HDAC9: variants seen among roughly 807,000 people sequenced by gnomAD.
HDAC9 encodes the protein MEF-2 interacting transcription repressor (MITR) protein.
A neutral mutation model predicts 139.4 loss-of-function variants in HDAC9; 41 were observed. The observed-to-expected ratio is 0.29, with a 90% CI of 0.23 to 0.38. The LOEUF (loss-of-function observed/expected upper bound fraction) is 0.38, where lower values mean the gene tolerates loss of function less well. HDAC9 is among the 10% of genes least tolerant of loss of function. HDAC9 has a pLI of 1.00. For synonymous variants in HDAC9, 517 were observed against 476.2 expected, an observed-to-expected ratio of 1.09 and a Z score of -1.12; for missense variants, 1,147 against 1,297.0, an observed-to-expected ratio of 0.88 and a Z score of 1.78.
intron 1 of HDAC9, among the ~76,000 whole-genome samples, chr7:18,467,318 G>A (rs1052012591): frequency 6.6e-6 from 1 of 151,988 alleles, no homozygotes; most frequent in African/African-American, 2.4e-5. Context: ...ACCTATTAAT[G>A]CTTCCTATCA....
In HDAC9 at chr7:18,298,699, C is replaced by T. The variant is rs1447540451; in HGVS notation, c.-42+8184C>T. Among the ~76,000 whole-genome samples, 5 of 152,120 alleles carry T rather than the reference C, an allele frequency of 3.3e-5. No individual in the cohort carries two copies. The East Asian group carries it at 9.6e-4, about 29-fold the overall frequency. ...TTTGTTTAGCTTGTATTTGAATTGA[C>T]TGTTCTTAAGTCAATTTTTATGTGA... On this transcript the variant is annotated intron_variant, in intron 1 of 3. Coordinates refer to the HDAC9 transcript ENST00000413509.
At chr7:18,224,891 CA>C (rs1792951049) in intron 2 of HDAC9, among the ~76,000 whole-genome samples, 2 of 151,550 alleles carry the variant, frequency 1.3e-5, no homozygotes, top group Admixed American at 1.3e-4. Flanking sequence ...TTTGTCCCCC[CA>C]AAAAAAGCTG....
intron 1 of HDAC9, among the ~76,000 whole-genome samples, chr7:18,475,668 T>C (rs1313163773): frequency 2.0e-5 from 3 of 152,104 alleles, no homozygotes; most frequent in Non-Finnish European, 4.4e-5. Context: ...AATGAATTAG[T>C]TTATTTTTAA....
At chr7:18,830,841 G>A (rs1795811869) in intron 19 of HDAC9, among the ~76,000 whole-genome samples, 1 of 152,164 alleles carries the variant, frequency 6.6e-6, no homozygotes, top group Admixed American at 6.5e-5. Flanking sequence ...ATATACTACA[G>A]CAGCAAGATG....
chr7:18,741,032 G>A (rs984927030), intron 13 of HDAC9, among the ~76,000 whole-genome samples: 14 of 152,170 alleles, frequency 9.2e-5, no homozygotes, highest in African/African-American at 3.4e-4. Flanking sequence ...GCAGAGGTTG[G>A]CTCTTGAGGT....
At chr7:18,808,383 T>C (rs1328762250) in intron 17 of HDAC9, 1 of 152,106 alleles carries the variant, frequency 6.6e-6, no homozygotes, top group Non-Finnish European at 1.5e-5. Flanking sequence ...AGTAGTAAAA[T>C]TGTCTCTGTT....
intron 2 of HDAC9, among the ~76,000 whole-genome samples, chr7:18,515,477 C>G (rs553714674): frequency 4.6e-5 from 7 of 152,274 alleles, no homozygotes; most frequent in African/African-American, 1.4e-4. Flanking sequence ...CAGGGCTAAG[C>G]AGCAGCTCCC....
chr7:18,917,693 T>A (rs1803330830), intron 22 of HDAC9, among the ~76,000 whole-genome samples: 1 of 152,048 alleles, frequency 6.6e-6, no homozygotes, highest in Non-Finnish European at 1.5e-5. Context: ...TAAGTACATT[T>A]TTTTCATGTA....
In HDAC9 at chr7:18,959,166, G is replaced by T. The variant is rs530177795; in HGVS notation, c.3022+4936G>T. Among the ~76,000 whole-genome samples, 3 of 152,200 alleles carry T rather than the reference G, an allele frequency of 2.0e-5. No homozygotes were observed. In the South Asian group the frequency reaches 6.2e-4, roughly 32 times the overall value. ...AACACCACTCTTTATACCAGTGCTGGCCCATTATAACTTTTTCACAGATTT... is the reference window on the plus strand; with the variant it reads ...AACACCACTCTTTATACCAGTGCTGTCCCATTATAACTTTTTCACAGATTT... On this transcript the variant is annotated intron_variant, in intron 24 of 25. Transcript: ENST00000686413.
chr7:18,803,068 G>C (rs1189839852), intron 17 of HDAC9, among the ~76,000 whole-genome samples: 1 of 150,932 alleles, frequency 6.6e-6, no homozygotes, highest in Non-Finnish European at 1.5e-5. Context: ...ACTTTCACCC[G>C]CCCCTTGCTT....
intron 22 of HDAC9, among the ~76,000 whole-genome samples, chr7:18,882,643 G>C (rs1325975069): frequency 4.8e-5 from 7 of 146,024 alleles, no homozygotes; most frequent in Non-Finnish European, 1.0e-4. Context: ...TTCCTAATCA[G>C]CCAAAAAAAA....
At chr7:18,453,254 A>G (rs541488831) in intron 1 of HDAC9, among the ~76,000 whole-genome samples, 1 of 152,278 alleles carries the variant, frequency 6.6e-6, no homozygotes, top group African/African-American at 2.4e-5. Context: ...TACTGTATTA[A>G]TTCTAAAGTA....
chr7:18,622,302 C>A (rs935919339), intron 6 of HDAC9, among the ~76,000 whole-genome samples: 5 of 152,066 alleles, frequency 3.3e-5, no homozygotes, highest in Admixed American at 2.0e-4. Context: ...CCCAAATATT[C>A]ATTATTTTAA....
intron 1 of HDAC9, among the ~76,000 whole-genome samples, chr7:18,461,613 G>T (rs1014319107): frequency 6.6e-6 from 1 of 152,040 alleles, no homozygotes; most frequent in Non-Finnish European, 1.5e-5. Context: ...AAAAGCAACT[G>T]CGTGTTAAAA....
intron 5 of HDAC9, among the ~76,000 whole-genome samples, chr7:18,592,320 T>G (rs1025241323): frequency 1.3e-5 from 2 of 152,054 alleles, no homozygotes; most frequent in Admixed American, 1.3e-4. Flanking sequence ...TAATACACTG[T>G]GGTATTGTGG....
At chr7:18,858,662 G>A (rs530875232) in intron 21 of HDAC9, among the ~76,000 whole-genome samples, 8 of 152,198 alleles carry the variant, frequency 5.3e-5, no homozygotes, top group African/African-American at 1.9e-4. Flanking sequence ...TAATCCAAGT[G>A]ACAACCCATA....
At chr7:18,668,821 C>T in intron 12 of HDAC9, 1 of 983,040 alleles carries the variant, frequency 1.0e-6, no homozygotes. Flanking sequence ...CTTCCTTTCT[C>T]AAATAAAGTT....
chr7:18,590,608 G>T lies in HDAC9; in HGVS notation c.415+122G>T, dbSNP rs867302696. 1.5e-4 allele frequency: 151 copies of T among 1,029,028 alleles called. No individual in the cohort carries two copies. The Middle Eastern group carries it at 1.9e-3, about 13-fold the overall frequency. 63.7% of individuals were successfully genotyped at this position (1,029,028 alleles called of 1,614,324 possible). A position where few individuals can be genotyped will look rare whatever the true frequency, so the allele number is the denominator to read the frequency against. ...CAAAATTATCTGTGTTTAATTAAAAGCATAGATTACAGACCCAACTGTAAA... is the reference window on the plus strand; with the variant it reads ...CAAAATTATCTGTGTTTAATTAAAATCATAGATTACAGACCCAACTGTAAA... On this transcript the variant is annotated intron_variant, in intron 4 of 25. Coordinates refer to ENST00000686413, the MANE Select transcript of HDAC9 (RefSeq NM_178425.4).
intron 21 of HDAC9, among the ~76,000 whole-genome samples, chr7:18,857,335 TTG>T (rs375575248): frequency 2.3e-3 from 324 of 140,816 alleles, no homozygotes; most frequent in Middle Eastern, 0.015. Flanking sequence ...TATGTTTTAG[TTG>T]TGTGTGTGTG....
Sources: allele counts gnomAD v4.1 joint callset (sites outside exome capture counted in the v4.1 genomes callset), GRCh38; gene constraint gnomAD v4.1.1; transcripts MANE v1.5; gene names NCBI Gene and HGNC (gene_info 2026-07-23, HGNC 2026-07-21).